XPO5: variants seen among roughly 807,000 people sequenced by gnomAD.
The protein encoded by XPO5 is exportin 5.
XPO5 carries 46 observed loss-of-function variants against 160.6 expected under a neutral mutation model. That is an observed-to-expected ratio of 0.29 (90% CI 0.23 to 0.37). XPO5 has a LOEUF of 0.37. Ranked by LOEUF, XPO5 falls within the 10% of genes least tolerant of loss-of-function variation. XPO5 has a pLI of 1.00. For missense variants in XPO5, 1,090 were observed against 1,463.9 expected (o/e 0.74, Z 4.17); for synonymous variants, 537 against 519.3 (o/e 1.03, Z -0.46).
chr6:43,570,440 A>G (rs1762956898), intron 5 of XPO5, 62 bp downstream of exon 5: 4 of 1,485,296 alleles, frequency 2.7e-6, no homozygotes, highest in Non-Finnish European at 1.8e-6. Flanking sequence ...TCCTTACTGT[A>G]AGATTAATCA....
At chr6:43,570,406 T>C (rs961105948) in intron 5 of XPO5, 96 bp downstream of exon 5, 68 of 1,054,082 alleles carry the variant, frequency 6.5e-5, no homozygotes, top group Middle Eastern at 3.2e-4. Flanking sequence ...TAGGATTTCA[T>C]TTTGCTGACC....
intron 15 of XPO5, chr6:43,550,861 T>C (rs1424672206): frequency 1.3e-5 from 2 of 152,494 alleles, no homozygotes; most frequent in African/African-American, 4.8e-5. Flanking sequence ...CTTCCTCTCA[T>C]AAATCCCCTC....
intron 19 of XPO5, 196 bp downstream of exon 19, chr6:43,547,412 G>A: frequency 1.5e-6 from 1 of 671,440 alleles, no homozygotes; most frequent in Non-Finnish European, 2.7e-6. Context: ...TCATAGAAAA[G>A]ACCATCTGCT....
intron 3 of XPO5, among the ~76,000 whole-genome samples, chr6:43,572,038 A>G (rs1032576464): frequency 2.6e-5 from 4 of 152,204 alleles, no homozygotes; most frequent in African/African-American, 9.7e-5. Flanking sequence ...TGATTAATTA[A>G]ACCTAGTAAG....
intron 20 of XPO5, among the ~76,000 whole-genome samples, chr6:43,535,768 C>T (rs1431280846): frequency 2.1e-5 from 3 of 145,790 alleles, no homozygotes; most frequent in Non-Finnish European, 3.0e-5. Context: ...GAGCTGAAAT[C>T]GCGCCACTGC....
At chr6:43,528,043 A>T in intron 25 of XPO5, 116 bp downstream of exon 25, 1 of 1,067,074 alleles carries the variant, frequency 9.4e-7, no homozygotes, top group African/African-American at 1.6e-5. Context: ...GCTGAGAATG[A>T]CTACAACCTA....
intron 23 of XPO5, 71 bp from the exon 24 acceptor site, chr6:43,528,996 C>G: frequency 2.1e-6 from 3 of 1,410,006 alleles, no homozygotes; most frequent in Non-Finnish European, 2.9e-6. Context: ...TGGGTTGCAC[C>G]CCTGGGCAGA....
chr6:43,567,383 T>C, intron 6 of XPO5, 29 bp from the exon 7 acceptor site: 1 of 1,570,912 alleles, frequency 6.4e-7, no homozygotes, highest in Non-Finnish European at 8.6e-7. Context: ...CTTTGGACCA[T>C]GAAGTCCTCG....
At chr6:43,556,805 G>C (rs1040862833) in intron 12 of XPO5, among the ~76,000 whole-genome samples, 4 of 152,054 alleles carry the variant, frequency 2.6e-5, no homozygotes, top group African/African-American at 9.7e-5. Flanking sequence ...AGTAAATGTG[G>C]TATATCCATA....
At chr6:43,533,842 CA>C (rs11404474) in intron 21 of XPO5, 64 bp downstream of exon 21, 22 of 1,283,820 alleles carry the variant, frequency 1.7e-5, no homozygotes, top group East Asian at 5.6e-5. Flanking sequence ...TAAAAAACAA[CA>C]AAAAAAGGGG....
chr6:43,523,996 C>T lies in XPO5; in HGVS notation c.3487G>A (p.Gly1163Arg). The T allele has an allele frequency of 1.2e-6, 2 of 1,612,996 alleles. No individual in the cohort carries two copies. Among genetic ancestry groups the T allele is most frequent in the Non-Finnish European group, 1.7e-6 (2 of 1,179,862 alleles). The change falls in exon 32 of 32, where the codon GGA (glycine) becomes AGA (arginine). Residue 1163 changes from glycine (G) to arginine (R), a missense_variant. Around this residue, in one of 3 missense-constraint regions of XPO5, gnomAD observed 810 missense variants for 1,139.0 expected, o/e 0.71. Transcript: ENST00000265351. ...TGAACTTCTTTTCGGAACTGCTCTC[C>T]CAAGGGTTTCTGTGGAAAACAAATG... ...LIAGCIGKPL[G>R]EQFRKEVHIK...
chr6:43,525,361 C>T (rs1336702874), intron 28 of XPO5, 147 bp from the exon 29 acceptor site: 4 of 716,658 alleles, frequency 5.6e-6, no homozygotes, highest in African/African-American at 3.6e-5. Context: ...TGGTCCTGAA[C>T]TCCTGGGCTC....
intron 19 of XPO5, 177 bp downstream of exon 19, chr6:43,547,431 G>C: frequency 1.4e-6 from 1 of 696,614 alleles, no homozygotes; most frequent in Non-Finnish European, 2.6e-6. Context: ...CTCTGCTGTG[G>C]GAACTAACTC....
intron 8 of XPO5, among the ~76,000 whole-genome samples, chr6:43,562,701 C>G (rs56910993): frequency 1.5e-3 from 229 of 152,182 alleles, no homozygotes; most frequent in African/African-American, 5.2e-3. Context: ...TTATGGTGTC[C>G]AATGCAATCT....
At chr6:43,559,526 C>T (rs1318198592) in intron 11 of XPO5, among the ~76,000 whole-genome samples, 1 of 152,188 alleles carries the variant, frequency 6.6e-6, no homozygotes, top group Non-Finnish European at 1.5e-5. Flanking sequence ...CTCACTTGGC[C>T]TCCAGAAGCA....
intron 13 of XPO5, 99 bp downstream of exon 13, chr6:43,555,735 GTA>G: frequency 6.9e-7 from 1 of 1,440,672 alleles, no homozygotes; most frequent in South Asian, 1.4e-5. Context: ...AATAGTATAA[GTA>G]TATCGTTCTG....
chr6:43,537,360 G>A lies in XPO5; in HGVS notation c.2343-3353C>T, dbSNP rs144533640. Reference sequence around the variant, plus strand: ...TTAAAGGCTAAACCTTTACTATTGTGTTGAACCCATCATCATCTACAAAGG... The same window carrying A: ...TTAAAGGCTAAACCTTTACTATTGTATTGAACCCATCATCATCTACAAAGG... On this transcript the variant is annotated intron_variant, in intron 20 of 31. Coordinates refer to ENST00000265351, the MANE Select transcript of XPO5 (RefSeq NM_020750.3). Among the ~76,000 whole-genome samples, 9 of 152,212 alleles carry A rather than the reference G, an allele frequency of 5.9e-5. No homozygotes were observed. In the East Asian group the frequency reaches 1.7e-3, roughly 29 times the overall value.
intron 20 of XPO5, among the ~76,000 whole-genome samples, chr6:43,535,905 C>T (rs1298104129): frequency 2.0e-5 from 3 of 151,854 alleles, no homozygotes; most frequent in Non-Finnish European, 4.4e-5. Context: ...GGAGAATCAC[C>T]TGAGGCCAGG....
rs538722519 is a variant in XPO5 at position 43,523,122 on chromosome 6, C to G, written c.*746G>C. The stretch of plus-strand genomic sequence containing the variant: ...ACTGTGGCTCTTGTGCCTGAGTGGA[C>G]CTTGAGGCTGGGGAGGCCAGACTGA... On this transcript the variant is annotated 3_prime_UTR_variant, in exon 32 of 32. Coordinates refer to ENST00000265351, the MANE Select transcript of XPO5 (RefSeq NM_020750.3). 1 of 164,852 alleles carries G rather than the reference C, an allele frequency of 6.1e-6. No individual in the cohort carries two copies. Among genetic ancestry groups the G allele is most frequent in the East Asian group, 1.7e-4 (1 of 5,890 alleles). 10.2% of individuals were successfully genotyped at this position (164,852 alleles called of 1,614,324 possible).
Sources: gnomAD v4.1 joint callset for allele counts (sites outside exome capture counted in the v4.1 genomes callset) on GRCh38, gnomAD v4.1.1 for gene constraint, gnomAD v4.1.1 regional missense constraint, MANE v1.5 for transcripts, NCBI Gene and HGNC (gene_info 2026-07-23, HGNC 2026-07-21) for gene names.